Variants in CPA6 observed in about 807,000 individuals in gnomAD.
CPA6 encodes the protein carboxypeptidase A6, also known as carboxypeptidase B.
In CPA6, 58 loss-of-function variants were observed where a neutral mutation model predicts 63.3. The observed-to-expected ratio is 0.92, with a 90% CI of 0.74 to 1.14. The LOEUF (loss-of-function observed/expected upper bound fraction) is 1.14. CPA6 is among the 50% of genes most tolerant of loss of function. The probability of loss-of-function intolerance (pLI) is 0.00; values close to 1 mark genes in which losing one functional copy is unlikely to be tolerated. For synonymous variants in CPA6, 185 were observed against 179.0 expected (o/e 1.03, Z -0.27); for missense variants, 565 against 526.6 (o/e 1.07, Z -0.71).
At position 67,604,859 on chromosome 8, in the gene CPA6, C is replaced by T. The variant is rs559378986; in HGVS notation, c.192+19317G>A. Among the ~76,000 whole-genome samples, 128 of 152,256 alleles carry T rather than the reference C, an allele frequency of 8.4e-4. 2 individuals are homozygous for T. The highest frequency in any genetic ancestry group is 3.4e-3 in the Middle Eastern group (1 of 294). ...ATGGTGCGGTCTCAGCTCACTGCAA[C>T]CTCCACCTCCCGGGTTCAAGCGATT... is the stretch of plus-strand genomic sequence containing the variant. On this transcript the variant is annotated intron_variant, in intron 2 of 10. Coordinates refer to ENST00000297770, the MANE Select transcript of CPA6 (RefSeq NM_020361.5).
chr8:67,725,249 T>C (rs1364777482), intron 1 of CPA6, among the ~76,000 whole-genome samples: 1 of 152,260 alleles, frequency 6.6e-6, no homozygotes, highest in African/African-American at 2.4e-5. Context: ...CGTGAAATTA[T>C]GGGCTTCACA....
chr8:67,612,775 T>G (rs1257252454), intron 2 of CPA6, among the ~76,000 whole-genome samples: 1 of 152,238 alleles, frequency 6.6e-6, no homozygotes, highest in Non-Finnish European at 1.5e-5. Context: ...TCTCTGAATT[T>G]TTTTAGGGCA....
At chr8:67,496,517 GTTTATA>G (rs1478726915) in intron 6 of CPA6, among the ~76,000 whole-genome samples, 2 of 47,412 alleles carry the variant, frequency 4.2e-5, no homozygotes, top group East Asian at 6.2e-4. Flanking sequence ...CCACTATATA[GTTTATA>G]TATATATATA....
chr8:67,533,506 G>A (rs1812520144), intron 2 of CPA6, among the ~76,000 whole-genome samples: 3 of 152,126 alleles, frequency 2.0e-5, no homozygotes, highest in Admixed American at 6.5e-5. Context: ...ATGAATTCGG[G>A]CACTATAGTT....
chr8:67,737,313 T>G (rs975365309), intron 1 of CPA6, among the ~76,000 whole-genome samples: 1 of 152,240 alleles, frequency 6.6e-6, no homozygotes, highest in African/African-American at 2.4e-5. Context: ...ATATATTCCC[T>G]GTGTCTGGAA....
chr8:67,664,285 G>T (rs1816180686), intron 1 of CPA6, among the ~76,000 whole-genome samples: 1 of 152,194 alleles, frequency 6.6e-6, no homozygotes, highest in South Asian at 2.1e-4. Context: ...ACATTTGTAG[G>T]AGCTGGATCA....
intron 1 of CPA6, among the ~76,000 whole-genome samples, chr8:67,629,292 C>A (rs1815264309): frequency 6.6e-6 from 1 of 151,638 alleles, no homozygotes; most frequent in African/African-American, 2.4e-5. Flanking sequence ...CATAGTGAGA[C>A]CCTGTCTCCG....
intron 6 of CPA6, among the ~76,000 whole-genome samples, chr8:67,485,909 T>C (rs547423810): frequency 5.3e-5 from 8 of 152,192 alleles, no homozygotes; most frequent in Admixed American, 1.3e-4. Flanking sequence ...ACTCACACCA[T>C]GGTTTATATA....
chr8:67,584,560 A>T (rs1270828483), intron 2 of CPA6, among the ~76,000 whole-genome samples: 7 of 152,188 alleles, frequency 4.6e-5, no homozygotes, highest in Admixed American at 4.6e-4. Flanking sequence ...GAAATAAGGT[A>T]GTAACAGCCC....
At chr8:67,607,032 C>G (rs549159497) in intron 2 of CPA6, among the ~76,000 whole-genome samples, 2 of 152,030 alleles carry the variant, frequency 1.3e-5, no homozygotes. Context: ...CATTAAGTAA[C>G]CACACTCTAA....
chr8:67,635,013 G>C (rs1250801163), intron 1 of CPA6, among the ~76,000 whole-genome samples: 1 of 151,164 alleles, frequency 6.6e-6, no homozygotes, highest in Non-Finnish European at 1.5e-5. Context: ...CAGCCTCCCA[G>C]GTAGCTAGAA....
At chr8:67,699,237 G>A (rs1276458026) in intron 1 of CPA6, among the ~76,000 whole-genome samples, 1 of 152,088 alleles carries the variant, frequency 6.6e-6, no homozygotes, top group Non-Finnish European at 1.5e-5. Flanking sequence ...GGGCAATGTG[G>A]CGAAGTCATG....
Position 67,727,214 on chromosome 8 carries a change from C to G in CPA6, c.116+18800G>C, listed in dbSNP as rs188579574. 1.4e-3 allele frequency among the ~76,000 whole-genome samples: 212 copies of G among 152,244 alleles called. 1 individual carries two copies. Among genetic ancestry groups the G allele is most frequent in the African/African-American group, 4.9e-3 (202 of 41,558 alleles). On this transcript the variant is annotated intron_variant, in intron 1 of 10. Transcript: ENST00000297770. ...ATAACAACCACTTGTTATTTTGGAG[C>G]TTTCCCCCCAGATATAGTTAACTAT...
intron 1 of CPA6, among the ~76,000 whole-genome samples, chr8:67,695,159 G>C (rs553309079): frequency 4.9e-4 from 74 of 152,104 alleles, no homozygotes; most frequent in African/African-American, 1.6e-3. Flanking sequence ...TTCATTAGAT[G>C]CCACTCAGTC....
intron 2 of CPA6, among the ~76,000 whole-genome samples, chr8:67,575,568 A>C (rs1366366585): frequency 1.3e-5 from 2 of 152,136 alleles, no homozygotes; most frequent in Non-Finnish European, 2.9e-5. Context: ...AAAAGGAAGA[A>C]ATTCTGGGCT....
At chr8:67,447,075 T>C (rs1810440378) in intron 8 of CPA6, among the ~76,000 whole-genome samples, 5 of 145,166 alleles carry the variant, frequency 3.4e-5, no homozygotes, top group Admixed American at 2.8e-4. Flanking sequence ...CACACATATA[T>C]ACACATATAT....
intron 8 of CPA6, among the ~76,000 whole-genome samples, chr8:67,477,914 T>C (rs939780864): frequency 2.0e-5 from 3 of 152,194 alleles, no homozygotes; most frequent in Admixed American, 6.5e-5. Context: ...TTGGTCTTCA[T>C]CCTGTTTCCT....
intron 2 of CPA6, among the ~76,000 whole-genome samples, chr8:67,530,602 A>G (rs1812458113): frequency 6.6e-6 from 1 of 152,194 alleles, no homozygotes; most frequent in Non-Finnish European, 1.5e-5. Flanking sequence ...ACCCCCCAGG[A>G]GTCTGAAATG....
chr8:67,583,341 G>A (rs1813826138), intron 2 of CPA6, among the ~76,000 whole-genome samples: 1 of 152,178 alleles, frequency 6.6e-6, no homozygotes, highest in Non-Finnish European at 1.5e-5. Context: ...AGGAGACAAA[G>A]TAGAGTTTAA....
Sources: allele counts gnomAD v4.1 joint callset (sites outside exome capture counted in the v4.1 genomes callset), GRCh38; gene constraint gnomAD v4.1.1; transcripts MANE v1.5; gene names NCBI Gene and HGNC (gene_info 2026-07-23, HGNC 2026-07-21).